Variants in VSX2 observed in about 807,000 individuals in gnomAD.
VSX2 encodes the protein visual system homeobox 2.
A neutral mutation model predicts 32.1 loss-of-function variants in VSX2; 28 were observed. That is an observed-to-expected ratio of 0.87 (90% CI 0.65 to 1.20). VSX2 has a LOEUF of 1.20. Ranked by LOEUF, VSX2 falls within the 50% of genes most tolerant of loss-of-function variation. The probability of loss-of-function intolerance (pLI) is 0.00; values close to 1 mark genes in which losing one functional copy is unlikely to be tolerated. For synonymous variants in VSX2, 243 were observed against 214.1 expected, an observed-to-expected ratio of 1.14 and a Z score of -1.18; for missense variants, 506 against 488.7, an observed-to-expected ratio of 1.04 and a Z score of -0.33.
chr14:74,260,922 C>G lies in VSX2; in HGVS notation c.*3C>G, dbSNP rs1455596761. The G allele has an allele frequency of 6.4e-7, 1 of 1,554,564 alleles. No individual in the cohort carries two copies. Among genetic ancestry groups the G allele is most frequent in the Admixed American group, 1.9e-5 (1 of 51,594 alleles). Reference sequence around the variant, plus strand: ...CGCAGCTGGAGGACATGGCTTAGGTCAAGGCGCGCTCAGATGCCGGAGCCC... The same window carrying G: ...CGCAGCTGGAGGACATGGCTTAGGTGAAGGCGCGCTCAGATGCCGGAGCCC... On this transcript the variant is annotated 3_prime_UTR_variant, in exon 5 of 5. Coordinates refer to ENST00000261980, the MANE Select transcript of VSX2 (RefSeq NM_182894.3).
At chr14:74,255,741 A>G (rs1288229698) in intron 3 of VSX2, among the ~76,000 whole-genome samples, 1 of 151,924 alleles carries the variant, frequency 6.6e-6, no homozygotes, top group Non-Finnish European at 1.5e-5. Context: ...CTTGCCAGGT[A>G]TCCACACTGG....
chr14:74,254,155 A>G (rs2079247324), intron 3 of VSX2, among the ~76,000 whole-genome samples: 1 of 151,962 alleles, frequency 6.6e-6, no homozygotes, highest in South Asian at 2.1e-4. Flanking sequence ...CACGCCAGTA[A>G]TTCCAGCAAT....
rs115304921 is a variant in VSX2 at position 74,244,344 on chromosome 14, G to A, written c.456-821G>A. ...GTGAGTGGCTGAGCTTGCAAGTATG[G>A]GATGGTTGGAAGGTGGCCCTTCCCT... On this transcript the variant is annotated intron_variant, in intron 2 of 4. Coordinates refer to ENST00000261980, the MANE Select transcript of VSX2 (RefSeq NM_182894.3). 5.4e-3 allele frequency among the ~76,000 whole-genome samples: 815 copies of A among 152,204 alleles called. 9 individuals are homozygous for A. The highest frequency in any genetic ancestry group is 0.019 in the African/African-American group (769 of 41,526).
At chr14:74,255,289 G>C (rs1252158401) in intron 3 of VSX2, among the ~76,000 whole-genome samples, 1 of 152,220 alleles carries the variant, frequency 6.6e-6, no homozygotes, top group East Asian at 1.9e-4. Context: ...AGAGCAGTTA[G>C]GGTTAATTCT....
At chr14:74,242,505 G>A in intron 2 of VSX2, among the ~76,000 whole-genome samples, 1 of 151,854 alleles carries the variant, frequency 6.6e-6, no homozygotes, top group East Asian at 1.9e-4. Flanking sequence ...CTTCGACTTG[G>A]TTTCTCCGGA....
At chr14:74,241,301 G>T in intron 2 of VSX2, 35 bp downstream of exon 2, 2 of 1,598,796 alleles carry the variant, frequency 1.3e-6, no homozygotes, top group Admixed American at 1.7e-5. Flanking sequence ...TCTCCTGCCC[G>T]CGCACCCCGC....
chr14:74,245,894 G>A (rs2079189224), intron 3 of VSX2, among the ~76,000 whole-genome samples: 1 of 152,206 alleles, frequency 6.6e-6, no homozygotes, highest in Admixed American at 6.5e-5. Context: ...GTGAGCTGGG[G>A]CATGGCCCTG....
rs57885912 is a variant in VSX2, at chr14:74,244,881, AGTGTGTGTGTGT to A, written c.456-246_456-235del. ...AACTATGAGACAGAGAGAGAGAGAA[AGTGTGTGTGTGT>A]GTGTGTGTGTGTGTGTGTGTGTGTG... is the stretch of plus-strand genomic sequence containing the variant. On this transcript the variant is annotated intron_variant, in intron 2 of 4. Transcript: ENST00000261980. 6.0e-3 allele frequency among the ~76,000 whole-genome samples: 310 copies of A among 51,294 alleles called. 7 individuals carry two copies. Among genetic ancestry groups the A allele is most frequent in the African/African-American group, 0.014 (222 of 15,644 alleles). 33.7% of individuals were successfully genotyped at this position (51,294 alleles called of 152,430 possible). A position where few individuals can be genotyped will look rare whatever the true frequency, so the allele number is the denominator to read the frequency against.
intron 2 of VSX2, among the ~76,000 whole-genome samples, chr14:74,244,919 TGTGTGTGTGTGAAAGA>T (rs2079176755): frequency 1.2e-4 from 5 of 41,166 alleles, no homozygotes; most frequent in African/African-American, 2.2e-4. Flanking sequence ...TGTGTGTGTG[TGTGTGTGTGTGAAAGA>T]GAGAGAGAAA....
intron 2 of VSX2, among the ~76,000 whole-genome samples, chr14:74,244,929 T>TGTGTGTGTGTGA (rs1555387789): frequency 2.6e-5 from 1 of 38,852 alleles, no homozygotes; most frequent in Admixed American, 2.8e-4. Flanking sequence ...TGTGTGTGTG[T>TGTGTGTGTGTGA]GAAAGAGAGA....
At position 74,245,203 on chromosome 14, in the gene VSX2, A is replaced by G. The variant is rs2079184276; in HGVS notation, c.494A>G (p.Lys165Arg). ...TCCTACCAGCTAGAGGAGCTGGAGA[A>G]GGCATTCAACGAAGCCCACTACCCA... is the stretch of plus-strand genomic sequence containing the variant. ...FTSYQLEELE[K>R]AFNEAHYPDV... Residue 165 changes from lysine (K) to arginine (R), a missense_variant, in exon 3 of 5, where the codon AAG becomes AGG. Coordinates refer to ENST00000261980, the MANE Select transcript of VSX2 (RefSeq NM_182894.3). 2 of 1,613,730 alleles carry G rather than the reference A, an allele frequency of 1.2e-6. No individual in the cohort carries two copies. The highest frequency in any genetic ancestry group is 1.7e-6 in the Non-Finnish European group (2 of 1,179,926).
chr14:74,244,675 A>G lies in VSX2; in HGVS notation c.456-490A>G, dbSNP rs369812558. Reference sequence around the variant, plus strand: ...TAAGCCCCTCTTCTCTGTGCTTGGGAGGAAGAGGGGCTTTCTGCTTTTCTA... The same window carrying G: ...TAAGCCCCTCTTCTCTGTGCTTGGGGGGAAGAGGGGCTTTCTGCTTTTCTA... On this transcript the variant is annotated intron_variant, in intron 2 of 4. Transcript: ENST00000261980. Among the ~76,000 whole-genome samples the G allele has an allele frequency of 3.3e-5, 5 of 151,652 alleles. No homozygotes were observed. In the South Asian group the frequency reaches 1.0e-3, roughly 32 times the overall value.
intron 3 of VSX2, among the ~76,000 whole-genome samples, chr14:74,250,174 C>T (rs928718090): frequency 1.3e-5 from 2 of 151,978 alleles, no homozygotes; most frequent in Non-Finnish European, 2.9e-5. Context: ...GAGGTCAAGG[C>T]TGCAGTGAGC....
chr14:74,244,846 C>G (rs781523828), intron 2 of VSX2, among the ~76,000 whole-genome samples: 2 of 129,758 alleles, frequency 1.5e-5, no homozygotes, highest in Non-Finnish European at 3.4e-5. Flanking sequence ...AAGAAGAGTC[C>G]GGAGGGTTAA....
rs75900788 is a variant in VSX2, at chr14:74,260,496, C to T, written c.761-98C>T. 229 of 1,228,756 alleles carry T rather than the reference C, an allele frequency of 1.9e-4. No homozygotes were observed. In the African/African-American group the frequency reaches 2.9e-3, roughly 15 times the overall value. 76.1% of individuals were successfully genotyped at this position (1,228,756 alleles called of 1,614,324 possible). A position where few individuals can be genotyped will look rare whatever the true frequency, so the allele number is the denominator to read the frequency against. ...GGTGTGGGGAGTAAGGCTTTCTGCT[C>T]GTCCTTAATTCTGGCCTCTCTCTAT... On this transcript the variant is annotated intron_variant, in intron 4 of 4. Transcript: ENST00000261980.
At chr14:74,255,488 T>G in intron 3 of VSX2, among the ~76,000 whole-genome samples, 1 of 152,226 alleles carries the variant, frequency 6.6e-6, no homozygotes, top group African/African-American at 2.4e-5. Context: ...AGCGACCAGC[T>G]GGCACTGGCT....
In VSX2 at chr14:74,262,725, T is replaced by C. The variant is rs1024508637; in HGVS notation, c.*1806T>C. 6.6e-6 allele frequency: 1 copy of C among 152,162 alleles called. No homozygotes were observed. The highest frequency in any genetic ancestry group is 2.4e-5 in the African/African-American group (1 of 41,448). 9.4% of individuals were successfully genotyped at this position (152,162 alleles called of 1,614,324 possible). ...TGTAAAGATACAAGTAAGAATAAAA[T>C]TGACTTAAAAATAGTAGGGGAGAAA... is the stretch of plus-strand genomic sequence containing the variant. On this transcript the variant is annotated 3_prime_UTR_variant, in exon 5 of 5. Transcript: ENST00000261980.
chr14:74,245,316 C>T, intron 3 of VSX2, 28 bp downstream of exon 3: 2 of 1,612,974 alleles, frequency 1.2e-6, no homozygotes, highest in Non-Finnish European at 1.7e-6. Context: ...CTCTCCCCTC[C>T]ACTCTCCCCT....
chr14:74,257,644 C>G lies in VSX2; in HGVS notation c.580-1958C>G, dbSNP rs532679487. On this transcript the variant is annotated intron_variant, in intron 3 of 4. Transcript: ENST00000261980. The stretch of plus-strand genomic sequence containing the variant: ...GCCGGCCGCGCTCCGCCGCAGACTC[C>G]GCGCCGCCGGGCGCTCACTTCGCCA... 3.4e-3 allele frequency among the ~76,000 whole-genome samples: 510 copies of G among 152,076 alleles called. 1 individual carries two copies. Among genetic ancestry groups the G allele is most frequent in the Non-Finnish European group, 5.8e-3 (393 of 67,960 alleles).
Sources: allele counts gnomAD v4.1 joint callset (sites outside exome capture counted in the v4.1 genomes callset), GRCh38; gene constraint gnomAD v4.1.1; transcripts MANE v1.5; gene names NCBI Gene and HGNC (gene_info 2026-07-23, HGNC 2026-07-21).